Variants in PPARGC1A observed in about 807,000 individuals in gnomAD.
The protein encoded by PPARGC1A is PPARG coactivator 1 alpha.
A neutral mutation model predicts 88.7 loss-of-function variants in PPARGC1A; 25 were observed. The observed-to-expected ratio is 0.28, with a 90% CI of 0.21 to 0.39. The LOEUF (loss-of-function observed/expected upper bound fraction) is 0.39. PPARGC1A is among the 10% of genes least tolerant of loss of function. PPARGC1A has a pLI of 1.00. For synonymous variants in PPARGC1A, 363 were observed against 355.6 expected (o/e 1.02, Z -0.24); for missense variants, 880 against 968.7 (o/e 0.91, Z 1.22).
chr4:24,120,281 C>A, the PPARGC1A span, among the ~76,000 whole-genome samples: 2 of 152,104 alleles, frequency 1.3e-5, no homozygotes, highest in African/African-American at 2.4e-5. Flanking sequence ...CCCCCAGACA[C>A]CACCATCTGG....
the PPARGC1A span, among the ~76,000 whole-genome samples, chr4:24,139,649 T>C: frequency 6.6e-6 from 1 of 152,160 alleles, no homozygotes; most frequent in Admixed American, 6.5e-5. Flanking sequence ...CCCATCCTCC[T>C]GGCTCTGAGG....
At chr4:24,064,143 C>T in the PPARGC1A span, among the ~76,000 whole-genome samples, 3 of 152,100 alleles carry the variant, frequency 2.0e-5, no homozygotes, top group Non-Finnish European at 2.9e-5. Flanking sequence ...GTGCACAGGC[C>T]TCTGACCAGA....
At chr4:24,289,857 G>A in the PPARGC1A span, among the ~76,000 whole-genome samples, 1 of 152,034 alleles carries the variant, frequency 6.6e-6, no homozygotes, top group Non-Finnish European at 1.5e-5. Context: ...TTCTCACACT[G>A]CTAATAAAGG....
At chr4:24,079,332 C>T in the PPARGC1A span, among the ~76,000 whole-genome samples, 1 of 151,950 alleles carries the variant, frequency 6.6e-6, no homozygotes, top group Non-Finnish European at 1.5e-5. Context: ...TCAGTCATGT[C>T]CCCATTATTG....
At chr4:23,816,221 A>T (rs1331201554) in intron 7 of PPARGC1A, among the ~76,000 whole-genome samples, 1 of 152,154 alleles carries the variant, frequency 6.6e-6, no homozygotes. Flanking sequence ...TACTCCACTC[A>T]TGGTCACACC....
At chr4:24,220,184 C>T in the PPARGC1A span, among the ~76,000 whole-genome samples, 1 of 152,192 alleles carries the variant, frequency 6.6e-6, no homozygotes, top group Non-Finnish European at 1.5e-5. Flanking sequence ...TACCATCTCA[C>T]ACCAGTCAGA....
chr4:24,362,216 T>G, the PPARGC1A span, among the ~76,000 whole-genome samples: 2 of 152,194 alleles, frequency 1.3e-5, no homozygotes, highest in African/African-American at 4.8e-5. Context: ...ATCATCTTCC[T>G]TTTTCTGAAT....
chr4:24,199,864 G>A, the PPARGC1A span, among the ~76,000 whole-genome samples: 2 of 152,040 alleles, frequency 1.3e-5, 1 homozygote, highest in South Asian at 4.2e-4. Context: ...TCACTTCTAG[G>A]TTACATACCC....
the PPARGC1A span, among the ~76,000 whole-genome samples, chr4:24,020,558 C>A: frequency 1.3e-5 from 2 of 152,178 alleles, no homozygotes; most frequent in Non-Finnish European, 2.9e-5. Flanking sequence ...TTTAAGCAAT[C>A]TGCTACTAGA....
At chr4:24,066,431 T>TAATAGA in the PPARGC1A span, among the ~76,000 whole-genome samples, 1 of 152,218 alleles carries the variant, frequency 6.6e-6, no homozygotes, top group African/African-American at 2.4e-5. Context: ...AAAAAGGAGC[T>TAATAGA]GACACAAATC....
At chr4:24,168,148 T>G in the PPARGC1A span, among the ~76,000 whole-genome samples, 1 of 152,240 alleles carries the variant, frequency 6.6e-6, no homozygotes, top group Admixed American at 6.5e-5. Context: ...ATAACTTTTA[T>G]ATGCACTAAA....
At chr4:24,247,413 G>A in the PPARGC1A span, among the ~76,000 whole-genome samples, 7 of 151,822 alleles carry the variant, frequency 4.6e-5, no homozygotes, top group African/African-American at 1.2e-4. Context: ...GTTTACTTCC[G>A]GTTCGTAAAT....
the PPARGC1A span, among the ~76,000 whole-genome samples, chr4:24,308,374 A>T: frequency 6.6e-6 from 1 of 151,872 alleles, no homozygotes; most frequent in African/African-American, 2.4e-5. Flanking sequence ...TTAGAGGTAC[A>T]TTTGAATCAG....
At chr4:23,899,091 C>A (rs1290583413) in intron 1 of PPARGC1A, among the ~76,000 whole-genome samples, 1 of 141,904 alleles carries the variant, frequency 7.0e-6, no homozygotes, top group Non-Finnish European at 1.5e-5. Context: ...CCACCCCCCC[C>A]CGGCCTTGGC....
chr4:23,858,299 C>T (rs1303677855), intron 2 of PPARGC1A, among the ~76,000 whole-genome samples: 4 of 152,092 alleles, frequency 2.6e-5, no homozygotes, highest in Non-Finnish European at 5.9e-5. Context: ...TTTTTACTCC[C>T]TGGTTCACTA....
At chr4:23,804,120 CT>C (rs1719306344) in intron 10 of PPARGC1A, among the ~76,000 whole-genome samples, 1 of 152,174 alleles carries the variant, frequency 6.6e-6, no homozygotes, top group African/African-American at 2.4e-5. Flanking sequence ...AAATAATCAA[CT>C]GTCTACTTGA....
chr4:24,458,369 C>T, the PPARGC1A span, among the ~76,000 whole-genome samples: 2 of 152,146 alleles, frequency 1.3e-5, no homozygotes, highest in Non-Finnish European at 2.9e-5. Context: ...AGTGTAGTGG[C>T]ACACGCCTGT....
the PPARGC1A span, among the ~76,000 whole-genome samples, chr4:24,468,321 T>C: frequency 1.3e-5 from 2 of 152,350 alleles, no homozygotes; most frequent in Middle Eastern, 3.4e-3. Context: ...AATTAAAGAA[T>C]GGTCTGCTGT....
chr4:24,197,150 T>C, the PPARGC1A span, among the ~76,000 whole-genome samples: 1 of 152,208 alleles, frequency 6.6e-6, no homozygotes, highest in Admixed American at 6.5e-5. Context: ...GATGCATTAC[T>C]AAGGAAAGTT....
Sources: allele counts gnomAD v4.1 joint callset (sites outside exome capture counted in the v4.1 genomes callset), GRCh38; gene constraint gnomAD v4.1.1; transcripts MANE v1.5; gene names NCBI Gene and HGNC (gene_info 2026-07-23, HGNC 2026-07-21).